Variants in SEMA5A observed in about 807,000 individuals in gnomAD.
The protein encoded by SEMA5A is semaphorin-5A.
In SEMA5A, 55 loss-of-function variants were observed where a neutral mutation model predicts 135.5. That is an observed-to-expected ratio of 0.41 (90% CI 0.33 to 0.51). The LOEUF (loss-of-function observed/expected upper bound fraction) is 0.51. SEMA5A is among the 20% of genes least tolerant of loss of function. The pLI, the probability that SEMA5A is intolerant of heterozygous loss-of-function variation, is 0.37. For missense variants in SEMA5A, 1,290 were observed against 1,419.9 expected, an observed-to-expected ratio of 0.91 and a Z score of 1.47; for synonymous variants, 580 against 546.5, an observed-to-expected ratio of 1.06 and a Z score of -0.85.
chr5:9,447,394 G>C (rs1431335997), intron 1 of SEMA5A, among the ~76,000 whole-genome samples: 2 of 152,190 alleles, frequency 1.3e-5, no homozygotes, highest in Non-Finnish European at 2.9e-5. Flanking sequence ...GAATGTTCTG[G>C]AGTCATTTTA....
intron 6 of SEMA5A, among the ~76,000 whole-genome samples, chr5:9,232,820 A>T (rs1241772628): frequency 6.6e-6 from 1 of 152,204 alleles, no homozygotes; most frequent in African/African-American, 2.4e-5. Flanking sequence ...TTTTAAAGCA[A>T]TTACATAAAA....
At chr5:9,499,116 C>T (rs1049040163) in intron 1 of SEMA5A, among the ~76,000 whole-genome samples, 3 of 152,162 alleles carry the variant, frequency 2.0e-5, no homozygotes, top group Non-Finnish European at 2.9e-5. Flanking sequence ...GTGGTGCCAC[C>T]TGGTGGAACA....
intron 2 of SEMA5A, among the ~76,000 whole-genome samples, chr5:9,424,344 T>G (rs1416038006): frequency 6.6e-6 from 1 of 152,228 alleles, no homozygotes; most frequent in Non-Finnish European, 1.5e-5. Flanking sequence ...CTTTGAGATT[T>G]TCTGTCACTT....
intron 1 of SEMA5A, among the ~76,000 whole-genome samples, chr5:9,440,408 A>G (rs1758191127): frequency 6.6e-6 from 1 of 152,236 alleles, no homozygotes; most frequent in Admixed American, 6.5e-5. Flanking sequence ...TTATAAACAT[A>G]TAAATTTCTC....
intron 5 of SEMA5A, among the ~76,000 whole-genome samples, chr5:9,288,877 A>G (rs983098262): frequency 6.6e-6 from 1 of 152,220 alleles, no homozygotes; most frequent in Admixed American, 6.5e-5. Flanking sequence ...ATGAGGACAC[A>G]CAAAAAAAAG....
chr5:9,323,576 G>C (rs1217726724), intron 4 of SEMA5A, among the ~76,000 whole-genome samples: 1 of 151,396 alleles, frequency 6.6e-6, no homozygotes, highest in Non-Finnish European at 1.5e-5. Context: ...CCAGTTGATT[G>C]GTTATATTTT....
At chr5:9,320,527 T>G (rs1253521977) in intron 4 of SEMA5A, among the ~76,000 whole-genome samples, 4 of 152,068 alleles carry the variant, frequency 2.6e-5, no homozygotes, top group African/African-American at 7.2e-5. Flanking sequence ...CTAGGCAACA[T>G]AGGGAGACCC....
At chr5:9,493,387 T>C (rs1364940566) in intron 1 of SEMA5A, among the ~76,000 whole-genome samples, 2 of 151,868 alleles carry the variant, frequency 1.3e-5, no homozygotes, top group Non-Finnish European at 2.9e-5. Flanking sequence ...CACTTATACA[T>C]TTTTTTGAAA....
intron 11 of SEMA5A, among the ~76,000 whole-genome samples, chr5:9,155,500 C>T (rs1278474257): frequency 2.6e-5 from 4 of 152,060 alleles, no homozygotes; most frequent in South Asian, 2.1e-4. Context: ...TGCTGCACCC[C>T]GCAACTCCTT....
intron 16 of SEMA5A, among the ~76,000 whole-genome samples, chr5:9,084,943 T>G (rs1339727762): frequency 6.6e-6 from 1 of 152,128 alleles, no homozygotes; most frequent in African/African-American, 2.4e-5. Context: ...TGGTCTCAAA[T>G]GGAAATGAAG....
At chr5:9,049,163 T>TTTAG (rs1321576158) in intron 21 of SEMA5A, among the ~76,000 whole-genome samples, 1 of 151,468 alleles carries the variant, frequency 6.6e-6, no homozygotes, top group Non-Finnish European at 1.5e-5. Flanking sequence ...TATTTATTTA[T>TTTAG]TTATTTATTT....
chr5:9,314,584 C>A (rs1031231657), intron 5 of SEMA5A, among the ~76,000 whole-genome samples: 1 of 151,932 alleles, frequency 6.6e-6, no homozygotes, highest in Non-Finnish European at 1.5e-5. Context: ...TGTTATAAGA[C>A]CCTTTGTCTA....
chr5:9,427,271 A>C (rs948976523), intron 2 of SEMA5A, among the ~76,000 whole-genome samples: 4 of 152,076 alleles, frequency 2.6e-5, no homozygotes, highest in African/African-American at 4.8e-5. Flanking sequence ...AGATCCCGCC[A>C]CTGCTCTCCA....
chr5:9,433,293 T>C (rs1579532571), intron 2 of SEMA5A, among the ~76,000 whole-genome samples: 1 of 152,242 alleles, frequency 6.6e-6, no homozygotes, highest in Admixed American at 6.5e-5. Context: ...TTCATTTTTT[T>C]ACTATTCCCA....
chr5:9,367,663 T>C (rs1263197732), intron 3 of SEMA5A, among the ~76,000 whole-genome samples: 3 of 152,174 alleles, frequency 2.0e-5, no homozygotes, highest in Non-Finnish European at 2.9e-5. Context: ...GCCCTTAAAA[T>C]AACTTTGTGA....
chr5:9,236,807 C>T (rs1251548656), intron 6 of SEMA5A, among the ~76,000 whole-genome samples: 3 of 152,142 alleles, frequency 2.0e-5, no homozygotes, highest in African/African-American at 7.2e-5. Context: ...CTTCCTACTC[C>T]TTTATTCAGG....
intron 16 of SEMA5A, among the ~76,000 whole-genome samples, chr5:9,086,033 C>T (rs368760976): frequency 3.3e-5 from 5 of 152,138 alleles, no homozygotes; most frequent in African/African-American, 4.8e-5. Context: ...GGGCCTGTTG[C>T]CCCTTTGTTT....
chr5:9,207,102 GTATATATATATATATATATA>G lies in SEMA5A; in HGVS notation c.647-4882_647-4863del, dbSNP rs70943947. Reference sequence around the variant, plus strand: ...ACATAATGATAATGAATGATCAAGTGTATATATATATATATATATATATATATATATAAAGCTTAAAGGTC... The same window carrying G: ...ACATAATGATAATGAATGATCAAGTGTATATATATATAAAGCTTAAAGGTC... On this transcript the variant is annotated intron_variant, in intron 8 of 22. Transcript: ENST00000382496. Among the ~76,000 whole-genome samples, 6 of 97,698 alleles carry G rather than the reference GTATATATATATATATATATA, an allele frequency of 6.1e-5. 1 individual carries two copies. 64.1% of individuals were successfully genotyped at this position (97,698 alleles called of 152,430 possible). A position where few individuals can be genotyped will look rare whatever the true frequency, so the allele number is the denominator to read the frequency against.
intron 2 of SEMA5A, among the ~76,000 whole-genome samples, chr5:9,404,081 C>T (rs1561225469): frequency 1.3e-5 from 2 of 152,104 alleles, no homozygotes; most frequent in Non-Finnish European, 2.9e-5. Flanking sequence ...ATTACAGATG[C>T]ATGCCACCAT....
Sources: allele counts gnomAD v4.1 joint callset (sites outside exome capture counted in the v4.1 genomes callset), GRCh38; gene constraint gnomAD v4.1.1; transcripts MANE v1.5; gene names NCBI Gene and HGNC (gene_info 2026-07-23, HGNC 2026-07-21).